Variants in MTRF1 observed in about 807,000 individuals in gnomAD.
The protein encoded by MTRF1 is peptide chain release factor 1, mitochondrial.
In MTRF1, 51 loss-of-function variants were observed where a neutral mutation model predicts 62.9. The ratio of observed to expected loss-of-function variants is 0.81; its 90% CI spans 0.65 to 1.02. The LOEUF (loss-of-function observed/expected upper bound fraction) is 1.02, where lower values mean the gene tolerates loss of function less well. MTRF1 is among the 50% of genes least tolerant of loss of function. MTRF1 has a pLI of 0.00. For missense variants in MTRF1, 446 were observed against 530.0 expected (o/e 0.84, Z 1.56); for synonymous variants, 158 against 181.9 (o/e 0.87, Z 1.06).
chr13:41,300,947 G>C, the MTRF1 span, among the ~76,000 whole-genome samples: 3 of 152,142 alleles, frequency 2.0e-5, no homozygotes, highest in Admixed American at 2.0e-4. Context: ...CTCTGGGCCT[G>C]ATATATTTTG....
At chr13:41,309,926 G>T in the MTRF1 span, among the ~76,000 whole-genome samples, 153 of 152,126 alleles carry the variant, frequency 1.0e-3, 1 homozygote, top group Non-Finnish European at 2.8e-4. Context: ...AACCTGGGAG[G>T]CGGAGGTTAC....
chr13:41,276,749 G>A, the MTRF1 span, among the ~76,000 whole-genome samples: 1 of 152,160 alleles, frequency 6.6e-6, no homozygotes, highest in African/African-American at 2.4e-5. Flanking sequence ...CCTCCAGGCT[G>A]GGGGAGGAGA....
intron 2 of MTRF1, among the ~76,000 whole-genome samples, chr13:41,257,126 T>C (rs971833893): frequency 3.3e-5 from 5 of 152,184 alleles, no homozygotes; most frequent in Non-Finnish European, 5.9e-5. Context: ...ACAGCACGAA[T>C]ATATCCAGAG....
At chr13:41,232,971 A>G (rs2035854504) in intron 7 of MTRF1, among the ~76,000 whole-genome samples, 1 of 152,242 alleles carries the variant, frequency 6.6e-6, no homozygotes, top group African/African-American at 2.4e-5. Context: ...ACAGGACTGT[A>G]TACTAATGGG....
At chr13:41,254,269 G>A (rs1682463928) in intron 3 of MTRF1, among the ~76,000 whole-genome samples, 1 of 151,862 alleles carries the variant, frequency 6.6e-6, no homozygotes, top group African/African-American at 2.4e-5. Flanking sequence ...TTCTTTACCA[G>A]CACGTATTCT....
At chr13:41,303,380 A>G in the MTRF1 span, among the ~76,000 whole-genome samples, 1 of 152,190 alleles carries the variant, frequency 6.6e-6, no homozygotes, top group Non-Finnish European at 1.5e-5. Flanking sequence ...TATGGGAGCA[A>G]GAGAATTTAT....
In MTRF1 at chr13:41,245,228, A is replaced by G. The variant is rs145247967; in HGVS notation, c.698-4795T>C. On this transcript the variant is annotated intron_variant, in intron 5 of 9. Coordinates refer to ENST00000379480, the MANE Select transcript of MTRF1 (RefSeq NM_004294.4). ...TTCATTTCTAATCCTGATTTATCAG[A>G]TTCTTTGACACTTCATATTGCTTTT... Among the ~76,000 whole-genome samples the G allele has an allele frequency of 3.4e-3, 489 of 145,852 alleles. 2 individuals are homozygous for G. The highest frequency in any genetic ancestry group is 0.011 in the African/African-American group (447 of 40,252).
intron 5 of MTRF1, among the ~76,000 whole-genome samples, chr13:41,250,672 T>G (rs1460160682): frequency 6.6e-6 from 1 of 152,154 alleles, no homozygotes; most frequent in East Asian, 1.9e-4. Flanking sequence ...TTTTGTATTG[T>G]TAGTACAGAC....
At position 41,217,225 on chromosome 13, in the gene MTRF1, A is replaced by T. The variant is rs762196040; in HGVS notation, c.1228T>A (p.Phe410Ile). The change falls in exon 10 of 10, where the codon TTT becomes ATT. Residue 410 changes from phenylalanine (F) to isoleucine (I), a missense_variant. By Grantham distance (21) the Phe-to-Ile change is conservative (BLOSUM62 0). Coordinates refer to ENST00000379480, the MANE Select transcript of MTRF1 (RefSeq NM_004294.4). ...TCCAGGCCCTTCCCACCACATAAAAATTCCTGGTAAAAGAGAGAGCTATTA... is the reference window on the plus strand; with the variant it reads ...TCCAGGCCCTTCCCACCACATAAAATTTCCTGGTAAAAGAGAGAGCTATTA... ...IAYEVRDIKE[F>I]LCGGKGLDQL... 1 of 1,590,090 alleles carries T rather than the reference A, an allele frequency of 6.3e-7. No individual in the cohort carries two copies. The highest frequency in any genetic ancestry group is 1.7e-4 in the Middle Eastern group (1 of 6,008).
intron 7 of MTRF1, among the ~76,000 whole-genome samples, chr13:41,232,193 A>T (rs1038380666): frequency 7.0e-6 from 1 of 142,916 alleles, no homozygotes; most frequent in African/African-American, 2.5e-5. Flanking sequence ...CTTCAGTAAT[A>T]AAAAAAAGAA....
upstream of MTRF1, among the ~76,000 whole-genome samples, chr13:41,264,770 A>G (rs1207884681): frequency 1.3e-5 from 2 of 152,248 alleles, no homozygotes; most frequent in Non-Finnish European, 2.9e-5. Flanking sequence ...AAGGTAAAAA[A>G]CAGTAAGTGA....
At chr13:41,229,361 T>C (rs917666422) in intron 7 of MTRF1, 2 of 152,218 alleles carry the variant, frequency 1.3e-5, no homozygotes, top group African/African-American at 4.8e-5. Flanking sequence ...CTTCTAGCTT[T>C]CTGAAAATAT....
the MTRF1 span, among the ~76,000 whole-genome samples, chr13:41,299,232 T>C: frequency 6.6e-6 from 1 of 151,858 alleles, no homozygotes; most frequent in Non-Finnish European, 1.5e-5. Flanking sequence ...AAAGAGGAGC[T>C]GAAGAAGGGG....
intron 2 of MTRF1, 114 bp from the exon 3 acceptor site, chr13:41,254,734 G>A: frequency 1.5e-6 from 1 of 662,070 alleles, no homozygotes. Flanking sequence ...AAAGGCAAGG[G>A]ATTATACAAA....
the MTRF1 span, chr13:41,311,160 G>T: frequency 2.8e-6 from 1 of 362,170 alleles, no homozygotes; most frequent in South Asian, 3.4e-5. Context: ...AAATCCACGC[G>T]GTTGGTCCCC....
intron 7 of MTRF1, among the ~76,000 whole-genome samples, chr13:41,231,861 A>G (rs1348326951): frequency 7.0e-6 from 1 of 143,482 alleles, no homozygotes; most frequent in Non-Finnish European, 1.5e-5. Context: ...GGCAATGTGG[A>G]GAAACCTGGT....
upstream of MTRF1, among the ~76,000 whole-genome samples, chr13:41,263,837 G>A (rs1048430889): frequency 6.6e-6 from 1 of 152,094 alleles, no homozygotes; most frequent in Non-Finnish European, 1.5e-5. Context: ...GCCAAGGTGG[G>A]ACTAAACTAC....
intron 7 of MTRF1, among the ~76,000 whole-genome samples, chr13:41,228,188 T>C (rs916691823): frequency 3.9e-5 from 6 of 152,324 alleles, no homozygotes; most frequent in African/African-American, 1.4e-4. Context: ...ATGTATTTTA[T>C]TATAATGTAC....
At chr13:41,222,326 T>C (rs2033554244) in intron 9 of MTRF1, among the ~76,000 whole-genome samples, 1 of 152,204 alleles carries the variant, frequency 6.6e-6, no homozygotes, top group Non-Finnish European at 1.5e-5. Flanking sequence ...GATAGGTTAA[T>C]GTTCAAACAA....
Sources: allele counts gnomAD v4.1 joint callset (sites outside exome capture counted in the v4.1 genomes callset), GRCh38; gene constraint gnomAD v4.1.1; transcripts MANE v1.5; gene names NCBI Gene and HGNC (gene_info 2026-07-23, HGNC 2026-07-21).